ECPAS: variants seen among roughly 807,000 people sequenced by gnomAD.
The protein encoded by ECPAS is Ecm29 proteasome adaptor and scaffold, also known as proteasome adapter and scaffold protein ECM29.
ECPAS carries 70 observed loss-of-function variants against 255.1 expected under a neutral mutation model. The ratio of observed to expected loss-of-function variants is 0.27; its 90% confidence interval spans 0.23 to 0.33. ECPAS has a LOEUF of 0.33. Ranked by LOEUF, ECPAS falls within the 10% of genes least tolerant of loss-of-function variation. The probability of loss-of-function intolerance (pLI) is 1.00; values close to 1 mark genes in which losing one functional copy is unlikely to be tolerated. For missense variants in ECPAS, 1,817 were observed against 2,206.4 expected (o/e 0.82, Z 3.54); for synonymous variants, 784 against 775.0 (o/e 1.01, Z -0.19).
At chr9:111,467,787 A>G (rs2098281363) in intron 2 of ECPAS, among the ~76,000 whole-genome samples, 1 of 152,200 alleles carries the variant, frequency 6.6e-6, no homozygotes, top group Non-Finnish European at 1.5e-5. Flanking sequence ...AATACATCAC[A>G]GTCACAAAGC....
At position 111,363,614 on chromosome 9, in the gene ECPAS, A is replaced by G; in HGVS notation, c.5354T>C (p.Ile1785Thr). 6.3e-7 allele frequency: 1 copy of G among 1,580,670 alleles called. No individual in the cohort carries two copies. The highest frequency in any genetic ancestry group is 1.1e-5 in the South Asian group (1 of 88,114). The change falls in exon 49 of 50, where the codon ATA becomes ACA. Residue 1785 changes from isoleucine to threonine, a missense_variant. Physicochemically the swap from Ile to Thr is moderately conservative, Grantham distance 89. Around this residue, in one of 4 missense-constraint regions of ECPAS, gnomAD observed 960 missense variants for 1,179.0 expected, o/e 0.81. Transcript: ENST00000684092. ...SSVRTEALSV[I>T]ELLLKKLEES... ...TTCAAGTTTTTTAAGCAGCAATTCTATCACAGATAAAGCTTCTGTTCTCAC... is the reference window on the plus strand; with the variant it reads ...TTCAAGTTTTTTAAGCAGCAATTCTGTCACAGATAAAGCTTCTGTTCTCAC...
intron 24 of ECPAS, among the ~76,000 whole-genome samples, chr9:111,404,365 ATAAAG>A (rs1482333783): frequency 7.3e-5 from 11 of 149,788 alleles, no homozygotes; most frequent in Non-Finnish European, 1.2e-4. Context: ...ATTAGAACTG[ATAAAG>A]TAAGTTACAG....
At chr9:111,390,583 T>A (rs1342238428) in intron 29 of ECPAS, among the ~76,000 whole-genome samples, 2 of 152,210 alleles carry the variant, frequency 1.3e-5, no homozygotes, top group East Asian at 1.9e-4. Context: ...AGCACTTTTT[T>A]AAAAACTTAG....
chr9:111,461,867 G>A (rs1413616007), intron 2 of ECPAS, among the ~76,000 whole-genome samples: 1 of 152,198 alleles, frequency 6.6e-6, no homozygotes, highest in Non-Finnish European at 1.5e-5. Flanking sequence ...TAACATGGAT[G>A]GCAGCAGGCA....
chr9:111,405,033 G>A (rs760330091), intron 24 of ECPAS, among the ~76,000 whole-genome samples: 10 of 149,390 alleles, frequency 6.7e-5, no homozygotes, highest in Non-Finnish European at 1.2e-4. Context: ...TATCAATGAC[G>A]TTCATCAAAG....
At chr9:111,431,593 G>A (rs1347760873) in intron 8 of ECPAS, among the ~76,000 whole-genome samples, 4 of 149,456 alleles carry the variant, frequency 2.7e-5, no homozygotes, top group East Asian at 2.0e-4. Context: ...TTGGTGATTC[G>A]TTCCCACCCT....
intron 18 of ECPAS, 71 bp downstream of exon 18, chr9:111,416,201 C>A: frequency 1.9e-6 from 2 of 1,070,838 alleles, no homozygotes; most frequent in South Asian, 2.7e-5. Flanking sequence ...AATGACAGAC[C>A]CCTCTTTGGG....
At chr9:111,439,835 A>G (rs1054085061) in intron 6 of ECPAS, among the ~76,000 whole-genome samples, 15 of 152,012 alleles carry the variant, frequency 9.9e-5, no homozygotes, top group Non-Finnish European at 1.9e-4. Flanking sequence ...TGGGAAAGAA[A>G]TTATGACAAG....
At position 111,476,456 on chromosome 9, in the gene ECPAS, C is replaced by G. The variant is rs1472552123; in HGVS notation, c.-82-3456G>C. 7.2e-5 allele frequency among the ~76,000 whole-genome samples: 11 copies of G among 152,218 alleles called. No individual in the cohort carries two copies. The East Asian group carries it at 1.5e-3, about 21-fold the overall frequency. On this transcript the variant is annotated intron_variant, in intron 1 of 49. Coordinates refer to ENST00000684092, the MANE Select transcript of ECPAS (RefSeq NM_001364929.1). ...GCATAAGGAAAGAAAGCTACAGGCT[C>G]TGACCTAAACTAATTTACAAACTAG...
chr9:111,397,037 T>C lies in ECPAS; in HGVS notation c.2769A>G (p.Pro923=). ...AWQMTEEEYT[P]PAGAKVNDVV... is the part of the protein sequence containing the mutation. ...TAGCTGAATATTTGGTACCAGCAGG[T>C]GGAGTATATTCCTCTTCAGTCATTT... The change falls in exon 25 of 50, where the codon CCA becomes CCG. Residue 923 remains proline, a synonymous_variant. Transcript: ENST00000684092. 1 of 1,613,954 alleles carries C rather than the reference T, an allele frequency of 6.2e-7. No individual in the cohort carries two copies. The highest frequency in any genetic ancestry group is 8.5e-7 in the Non-Finnish European group (1 of 1,179,828).
At position 111,436,904 on chromosome 9, in the gene ECPAS, A is replaced by C. The variant is rs760758099; in HGVS notation, c.708+36T>G. 3.9e-6 allele frequency: 6 copies of C among 1,528,412 alleles called. No individual in the cohort carries two copies. In the East Asian group the frequency reaches 1.4e-4, roughly 36 times the overall value. 94.7% of individuals were successfully genotyped at this position (1,528,412 alleles called of 1,614,324 possible). On this transcript the variant is annotated intron_variant, in intron 7 of 49. Transcript: ENST00000684092. ...GAACTTCATAGGGGAAAGTGTCCAC[A>C]ATCAACTACTATTATGAGCAAGCCT...
rs145795495 is a variant in ECPAS at position 111,422,322 on chromosome 9, G to A, written c.1266-122C>T. The A allele has an allele frequency of 1.1e-3, 1,065 of 958,572 alleles. 12 individuals are homozygous for A. The African/African-American group carries it at 0.015, about 14-fold the overall frequency. The allele number at this position is 958,572 out of a possible 1,614,324, so 59.4% of individuals were successfully genotyped here. ...GAAGACAATGTCAGCATCATTACCC[G>A]CTCTGAGAGCCAAAAATTTTTCCAA... On this transcript the variant is annotated intron_variant, in intron 13 of 49. Coordinates refer to ENST00000684092, the MANE Select transcript of ECPAS (RefSeq NM_001364929.1).
chr9:111,391,711 A>G, intron 29 of ECPAS, 45 bp downstream of exon 29: 1 of 1,154,392 alleles, frequency 8.7e-7, no homozygotes, highest in Non-Finnish European at 1.3e-6. Context: ...AAATGCATAT[A>G]TATATTTAAA....
At chr9:111,463,269 G>A (rs2098275391) in intron 2 of ECPAS, among the ~76,000 whole-genome samples, 1 of 152,178 alleles carries the variant, frequency 6.6e-6, no homozygotes, top group Non-Finnish European at 1.5e-5. Flanking sequence ...CCCTTCTGTG[G>A]TGAAACTTCT....
chr9:111,466,017 A>G (rs2098279093), intron 2 of ECPAS, among the ~76,000 whole-genome samples: 2 of 151,948 alleles, frequency 1.3e-5, no homozygotes, highest in South Asian at 4.2e-4. Context: ...CGGGTAACAG[A>G]GCAAGACCCT....
In ECPAS at chr9:111,421,931, T is replaced by A; in HGVS notation, c.1445A>T (p.Tyr482Phe). Residue 482 changes from tyrosine (Y) to phenylalanine (F), a missense_variant, in exon 15 of 50, where the codon TAC (tyrosine) becomes TTC (phenylalanine). Physicochemically the swap from Tyr to Phe is conservative, Grantham distance 22. This residue lies in a region of ECPAS where 573 missense variants were observed against 716.2 expected (regional missense o/e 0.80). Transcript: ENST00000684092. The part of the protein sequence containing the change: ...RTLMEALVAS[Y>F]LIKPEVQVRQ... ...TTCACACGGACCTACCTTTATTAAGTACGAAGCCACAAGTGCCTCCATGAG... is the reference window on the plus strand; with the variant it reads ...TTCACACGGACCTACCTTTATTAAGAACGAAGCCACAAGTGCCTCCATGAG... 6.2e-7 allele frequency: 1 copy of A among 1,613,602 alleles called. No homozygotes were observed. The highest frequency in any genetic ancestry group is 8.5e-7 in the Non-Finnish European group (1 of 1,179,730).
intron 1 of ECPAS, among the ~76,000 whole-genome samples, chr9:111,479,992 A>T (rs1051778605): frequency 2.6e-5 from 4 of 152,020 alleles, no homozygotes; most frequent in African/African-American, 9.7e-5. Flanking sequence ...AAAAAAAAAA[A>T]AAAAAACTTT....
chr9:111,431,877 A>T (rs1483778853), intron 8 of ECPAS, among the ~76,000 whole-genome samples: 1 of 152,220 alleles, frequency 6.6e-6, no homozygotes, highest in Non-Finnish European at 1.5e-5. Context: ...GATATGATTC[A>T]CCTACATCTT....
At chr9:111,461,514 T>C (rs966566105) in intron 2 of ECPAS, among the ~76,000 whole-genome samples, 1 of 151,972 alleles carries the variant, frequency 6.6e-6, no homozygotes, top group Non-Finnish European at 1.5e-5. Context: ...AAGTATACTA[T>C]GCTAACAAAA....
Sources: gnomAD v4.1 joint callset for allele counts (sites outside exome capture counted in the v4.1 genomes callset) on GRCh38, gnomAD v4.1.1 for gene constraint, gnomAD v4.1.1 regional missense constraint, MANE v1.5 for transcripts, NCBI Gene and HGNC (gene_info 2026-07-23, HGNC 2026-07-21) for gene names.